Variants in KLHL13 observed in about 807,000 individuals in gnomAD.
KLHL13 encodes the protein kelch like family member 13.
KLHL13 carries 10 observed loss-of-function variants against 37.1 expected under a neutral mutation model. The observed-to-expected ratio is 0.27, with a 90% confidence interval of 0.17 to 0.46. The LOEUF (loss-of-function observed/expected upper bound fraction) is 0.46, where lower values mean the gene tolerates loss of function less well. Among genes scored for constraint, KLHL13 ranks in the 20% least tolerant of loss-of-function variants. KLHL13 has a pLI of 1.00. For synonymous variants in KLHL13, 163 were observed against 181.2 expected (o/e 0.90, Z 0.81); for missense variants, 360 against 509.3 (o/e 0.71, Z 2.82).
chrX:117,989,429 T>C (rs1294813395), intron 1 of KLHL13, among the ~76,000 whole-genome samples: 1 of 108,609 alleles, frequency 9.2e-6, no homozygotes, highest in Non-Finnish European at 1.9e-5. Flanking sequence ...TATATTAATA[T>C]TCATTTTAAG....
intron 1 of KLHL13, among the ~76,000 whole-genome samples, chrX:117,990,323 G>A (rs2053773829): frequency 9.0e-6 from 1 of 110,738 alleles, no homozygotes; most frequent in Admixed American, 9.6e-5. Context: ...ACTGAACTGA[G>A]TAAGGAAAAC....
intron 1 of KLHL13, among the ~76,000 whole-genome samples, chrX:118,005,391 T>C (rs942090106): frequency 2.3e-4 from 26 of 111,747 alleles, no homozygotes; most frequent in African/African-American, 8.5e-4. Context: ...TATGGTATAG[T>C]TGACATAGAT....
intron 1 of KLHL13, among the ~76,000 whole-genome samples, chrX:118,099,915 G>A (rs1250479101): frequency 1.0e-5 from 1 of 95,685 alleles, no homozygotes; most frequent in Admixed American, 1.1e-4. Context: ...AAGAAGGAAG[G>A]AAGAAAGGAA....
intron 5 of KLHL13, 55 bp downstream of exon 6, chrX:117,909,246 A>T: frequency 1.0e-6 from 1 of 979,279 alleles, no homozygotes; most frequent in Non-Finnish European, 1.4e-6. Context: ...TTATGATTTG[A>T]TAAGAATTTC....
intron 1 of KLHL13, among the ~76,000 whole-genome samples, chrX:118,021,937 G>A (rs954713988): frequency 3.6e-5 from 4 of 111,847 alleles, no homozygotes; most frequent in African/African-American, 6.5e-5. Flanking sequence ...TCTAACTGGC[G>A]TGAGATGGTA....
intron 2 of KLHL13, among the ~76,000 whole-genome samples, chrX:117,935,602 G>A (rs762923816): frequency 1.8e-4 from 20 of 111,584 alleles, no homozygotes; most frequent in Non-Finnish European, 1.1e-4. Context: ...TGAAACAGGC[G>A]TATCTGACAT....
At chrX:117,966,264 T>C (rs946604727) in intron 1 of KLHL13, among the ~76,000 whole-genome samples, 7 of 111,463 alleles carry the variant, frequency 6.3e-5, no homozygotes, top group Admixed American at 9.6e-5. Flanking sequence ...TATACACCAA[T>C]AACAGAAAAC....
At chrX:118,089,613 AAAGAAAG>A (rs1569313837) in intron 1 of KLHL13, among the ~76,000 whole-genome samples, 4 of 61,292 alleles carry the variant, frequency 6.5e-5, no homozygotes, top group African/African-American at 2.4e-4. Context: ...AGAGAGAGAG[AAAGAAAG>A]AGAAAGAAAG....
chrX:117,973,553 A>G, exon 1 of KLHL13: 2 of 898,071 alleles, frequency 2.2e-6, no homozygotes, highest in Non-Finnish European at 2.8e-6. Flanking sequence ...AAATGTAAGA[A>G]GAATATAAAC....
chrX:117,998,399 A>T (rs1436852251), intron 1 of KLHL13, among the ~76,000 whole-genome samples: 1 of 111,573 alleles, frequency 9.0e-6, no homozygotes, highest in African/African-American at 3.3e-5. Flanking sequence ...GTACATAAGA[A>T]ATTATTAACT....
exon 1 of KLHL13, chrX:117,972,937 C>T: frequency 5.4e-6 from 6 of 1,107,012 alleles, no homozygotes; most frequent in Non-Finnish European, 7.1e-6. Flanking sequence ...CCGCGGAGAA[C>T]AAGCAAAGGA....
chrX:117,999,475 T>C (rs2053895407), intron 1 of KLHL13, among the ~76,000 whole-genome samples: 1 of 109,692 alleles, frequency 9.1e-6, no homozygotes, highest in African/African-American at 3.3e-5. Flanking sequence ...TTCTCACTCA[T>C]AGGTGGGAAT....
chrX:118,045,963 A>G (rs1482048532), intron 1 of KLHL13, among the ~76,000 whole-genome samples: 1 of 112,281 alleles, frequency 8.9e-6, no homozygotes, highest in African/African-American at 3.2e-5. Flanking sequence ...TAGTACCACT[A>G]CTATGGAGAA....
At chrX:118,104,824 C>T (rs973373143) in intron 1 of KLHL13, among the ~76,000 whole-genome samples, 1 of 112,121 alleles carries the variant, frequency 8.9e-6, no homozygotes, top group Admixed American at 9.4e-5. Flanking sequence ...ATTGTGGTGA[C>T]AGTTGCTCAG....
At chrX:118,101,754 C>T (rs1230375089) in intron 1 of KLHL13, among the ~76,000 whole-genome samples, 1 of 110,894 alleles carries the variant, frequency 9.0e-6, no homozygotes, top group African/African-American at 3.3e-5. Context: ...CAGTTTTCCC[C>T]ATGCTGTTCT....
chrX:118,048,630 T>G (rs963163133), intron 1 of KLHL13, among the ~76,000 whole-genome samples: 12 of 112,111 alleles, frequency 1.1e-4, no homozygotes, highest in Non-Finnish European at 1.3e-4. Context: ...ATTTCTGCCC[T>G]GAAGTCGGGA....
At chrX:118,005,279 T>C (rs2053969014) in intron 1 of KLHL13, among the ~76,000 whole-genome samples, 2 of 111,776 alleles carry the variant, frequency 1.8e-5, no homozygotes, top group African/African-American at 6.5e-5. Flanking sequence ...CTATCTTGCA[T>C]GGAGGGCACT....
chrX:117,985,447 T>TAAAAAAAA (rs555339137), intron 1 of KLHL13: 2 of 609,400 alleles, frequency 3.3e-6, no homozygotes, highest in African/African-American at 2.7e-5. Flanking sequence ...TTTATATATT[T>TAAAAAAAA]AAAAAAAAAA....
intron 1 of KLHL13, among the ~76,000 whole-genome samples, chrX:118,040,662 G>A (rs2054497570): frequency 9.0e-6 from 1 of 111,669 alleles, no homozygotes; most frequent in African/African-American, 3.3e-5. Flanking sequence ...TAATAACAGG[G>A]AACTTCCCAA....
Sources: allele counts gnomAD v4.1 joint callset (sites outside exome capture counted in the v4.1 genomes callset), GRCh38; gene constraint gnomAD v4.1.1; transcripts MANE v1.5; gene names NCBI Gene and HGNC (gene_info 2026-07-23, HGNC 2026-07-21).